Variants in FHIT observed in about 807,000 individuals in gnomAD.
FHIT encodes the protein fragile histidine triad diadenosine triphosphatase.
Under a neutral mutation model 17.9 loss-of-function variants are expected in FHIT, and 19 were observed. The ratio of observed to expected loss-of-function variants is 1.06; its 90% CI spans 0.74 to 1.56. The LOEUF is 1.56. FHIT is among the 40% of genes most tolerant of loss of function. The pLI is 0.00. For missense variants in FHIT, 248 were observed against 189.2 expected (o/e 1.31, Z -1.82); for synonymous variants, 81 against 69.7 (o/e 1.16, Z -0.81).
chr3:60,230,489 T>C (rs1450043580), intron 5 of FHIT, among the ~76,000 whole-genome samples: 1 of 152,170 alleles, frequency 6.6e-6, no homozygotes, highest in African/African-American at 2.4e-5. Context: ...AAAAAATCAC[T>C]TTCCGAGACT....
chr3:60,103,847 T>A (rs1463746917), intron 5 of FHIT, among the ~76,000 whole-genome samples: 1 of 152,214 alleles, frequency 6.6e-6, no homozygotes, highest in Non-Finnish European at 1.5e-5. Flanking sequence ...TACTTGGATA[T>A]TAAGTTCCAA....
intron 3 of FHIT, among the ~76,000 whole-genome samples, chr3:61,001,869 A>C (rs1475067516): frequency 6.6e-6 from 1 of 152,198 alleles, no homozygotes; most frequent in Admixed American, 6.5e-5. Flanking sequence ...ACTAATGCCA[A>C]TTTCTTGGTT....
intron 4 of FHIT, among the ~76,000 whole-genome samples, chr3:60,615,720 G>T (rs1420836659): frequency 2.6e-5 from 4 of 152,292 alleles, no homozygotes; most frequent in African/African-American, 9.6e-5. Context: ...TAACCTTTAA[G>T]AAACTTGTAA....
intron 5 of FHIT, among the ~76,000 whole-genome samples, chr3:60,295,984 T>C (rs1708189412): frequency 6.6e-6 from 1 of 152,076 alleles, no homozygotes; most frequent in Non-Finnish European, 1.5e-5. Flanking sequence ...ACTGTTCTTG[T>C]GATAGTGAAG....
At chr3:60,674,963 A>G (rs1343030264) in intron 4 of FHIT, among the ~76,000 whole-genome samples, 1 of 152,182 alleles carries the variant, frequency 6.6e-6, no homozygotes, top group African/African-American at 2.4e-5. Flanking sequence ...CAGCAGCAAC[A>G]AAGTACAAAC....
chr3:60,123,572 C>A (rs1020262012), intron 5 of FHIT, among the ~76,000 whole-genome samples: 8 of 152,012 alleles, frequency 5.3e-5, no homozygotes, highest in Non-Finnish European at 1.2e-4. Flanking sequence ...TCTAAAATAT[C>A]GTTGAAAGAG....
chr3:60,297,056 T>C (rs1013315027), intron 5 of FHIT, among the ~76,000 whole-genome samples: 1 of 152,044 alleles, frequency 6.6e-6, no homozygotes, highest in Admixed American at 6.6e-5. Flanking sequence ...AGTATGTAAG[T>C]CTTGAAACTG....
chr3:60,115,760 T>C (rs1704929154), intron 5 of FHIT, among the ~76,000 whole-genome samples: 1 of 152,036 alleles, frequency 6.6e-6, no homozygotes, highest in Non-Finnish European at 1.5e-5. Flanking sequence ...CTTCATAAAA[T>C]GAAAAAGTAT....
intron 3 of FHIT, among the ~76,000 whole-genome samples, chr3:60,998,280 A>G (rs2030816112): frequency 6.6e-6 from 1 of 152,228 alleles, no homozygotes; most frequent in Non-Finnish European, 1.5e-5. Context: ...TTTGCTTGTT[A>G]TTCAAGAGCA....
rs377231306 is a variant in FHIT, at chr3:59,905,421, T to C, written c.348+16925A>G. Reference sequence around the variant, plus strand: ...CATTTTATGGTAGAAGGGCATGCACTCTGTTATCAGATAAATTAAGTTTGA... The same window carrying C: ...CATTTTATGGTAGAAGGGCATGCACCCTGTTATCAGATAAATTAAGTTTGA... On this transcript the variant is annotated intron_variant, in intron 8 of 9. Transcript: ENST00000492590. Among the ~76,000 whole-genome samples, 10 of 152,220 alleles carry C rather than the reference T, an allele frequency of 6.6e-5. No homozygotes were observed. The East Asian group carries it at 1.2e-3, about 18-fold the overall frequency.
At position 60,758,224 on chromosome 3, in the gene FHIT, C is replaced by T. The variant is rs188510763; in HGVS notation, c.-18+63695G>A. On this transcript the variant is annotated intron_variant, in intron 4 of 9. Coordinates refer to ENST00000492590, the MANE Select transcript of FHIT (RefSeq NM_002012.4). ...TCAGGTCCCAATAACCTTCCCTCTCCTATGCCTCTTTCCTCCCCTTTACCC... is the reference window on the plus strand; with the variant it reads ...TCAGGTCCCAATAACCTTCCCTCTCTTATGCCTCTTTCCTCCCCTTTACCC... Among the ~76,000 whole-genome samples the T allele has an allele frequency of 4.6e-5, 7 of 152,352 alleles. No individual in the cohort carries two copies. In the East Asian group the frequency reaches 1.3e-3, roughly 29 times the overall value.
chr3:61,004,207 A>G (rs373511369), intron 3 of FHIT, among the ~76,000 whole-genome samples: 1 of 152,204 alleles, frequency 6.6e-6, no homozygotes, highest in African/African-American at 2.4e-5. Context: ...GTTGAGACTG[A>G]TAAAAATAGA....
chr3:60,050,906 G>A (rs949507392), intron 5 of FHIT, among the ~76,000 whole-genome samples: 1 of 152,140 alleles, frequency 6.6e-6, no homozygotes, highest in Non-Finnish European at 1.5e-5. Context: ...CTCTAAAGAG[G>A]CCTCCATTAA....
chr3:60,462,994 G>C (rs1474531927), intron 5 of FHIT, among the ~76,000 whole-genome samples: 1 of 152,200 alleles, frequency 6.6e-6, no homozygotes, highest in Admixed American at 6.5e-5. Context: ...TGAGGGAGCA[G>C]CTGCTCCAGC....
intron 5 of FHIT, among the ~76,000 whole-genome samples, chr3:60,309,785 T>C (rs1406035263): frequency 1.3e-5 from 2 of 152,142 alleles, no homozygotes; most frequent in Non-Finnish European, 2.9e-5. Flanking sequence ...GCTTTTTATA[T>C]AGATCCTGGG....
At chr3:60,649,198 C>T (rs938998230) in intron 4 of FHIT, among the ~76,000 whole-genome samples, 1 of 152,034 alleles carries the variant, frequency 6.6e-6, no homozygotes, top group Non-Finnish European at 1.5e-5. Flanking sequence ...GAGATCGAGA[C>T]CATTCTGGCT....
intron 5 of FHIT, among the ~76,000 whole-genome samples, chr3:60,523,716 G>A (rs1041366559): frequency 5.3e-5 from 8 of 152,186 alleles, no homozygotes; most frequent in Non-Finnish European, 1.2e-4. Context: ...ATTTCTCTCA[G>A]CTGAGGAAAT....
intron 2 of FHIT, among the ~76,000 whole-genome samples, chr3:61,088,426 A>C (rs897552651): frequency 3.9e-5 from 6 of 152,288 alleles, no homozygotes; most frequent in East Asian, 1.9e-4. Flanking sequence ...AAGTCCTCTA[A>C]ATAGAATAAC....
chr3:60,633,914 G>A (rs2039512393), intron 4 of FHIT, among the ~76,000 whole-genome samples: 1 of 152,220 alleles, frequency 6.6e-6, no homozygotes. Context: ...TTCCAGTTCA[G>A]TGGAAATCTG....
Sources: gnomAD v4.1 joint callset for allele counts (sites outside exome capture counted in the v4.1 genomes callset) on GRCh38, gnomAD v4.1.1 for gene constraint, MANE v1.5 for transcripts, NCBI Gene and HGNC (gene_info 2026-07-23, HGNC 2026-07-21) for gene names.